LRCH1: variants seen among roughly 807,000 people sequenced by gnomAD.
LRCH1 encodes the protein leucine-rich repeat and calponin homology domain-containing protein 1.
LRCH1 carries 23 observed loss-of-function variants against 94.9 expected under a neutral mutation model. That is an observed-to-expected ratio of 0.24 (90% CI 0.17 to 0.34). The LOEUF is 0.34. Ranked by LOEUF, LRCH1 falls within the 10% of genes least tolerant of loss-of-function variation. LRCH1 has a pLI of 1.00. For synonymous variants in LRCH1, 364 were observed against 354.9 expected (o/e 1.03, Z -0.29); for missense variants, 790 against 945.9 (o/e 0.84, Z 2.16).
rs1216884978 is a variant in LRCH1, at chr13:46,558,211, G to T, written c.307+4508G>T. 2.0e-5 allele frequency among the ~76,000 whole-genome samples: 3 copies of T among 152,174 alleles called. No individual in the cohort carries two copies. The East Asian group carries it at 5.8e-4, about 29-fold the overall frequency. On this transcript the variant is annotated intron_variant, in intron 1 of 19. Coordinates refer to ENST00000389797, the MANE Select transcript of LRCH1 (RefSeq NM_001164211.2). Reference sequence around the variant, plus strand: ...GGAATACATGAGATGCTAAATAACAGTTCCAGGAAGCCACTGAGGCCCAAG... The same window carrying T: ...GGAATACATGAGATGCTAAATAACATTTCCAGGAAGCCACTGAGGCCCAAG...
At chr13:46,588,708 CT>C (rs1846635339) in intron 1 of LRCH1, among the ~76,000 whole-genome samples, 2 of 150,216 alleles carry the variant, frequency 1.3e-5, no homozygotes, top group African/African-American at 4.9e-5. Flanking sequence ...TCAAGTGATT[CT>C]CCTGCCTTAG....
chr13:46,650,470 G>C, intron 2 of LRCH1, 125 bp downstream of exon 2: 1 of 681,806 alleles, frequency 1.5e-6, no homozygotes, highest in Non-Finnish European at 2.3e-6. Context: ...GTCACACACA[G>C]ATGTTTTAAG....
chr13:46,625,468 A>G (rs1335793791), intron 1 of LRCH1, among the ~76,000 whole-genome samples: 4 of 152,152 alleles, frequency 2.6e-5, no homozygotes, highest in Admixed American at 6.5e-5. Context: ...AAGAGACCCC[A>G]GAGAGCTTCT....
chr13:46,689,676 T>C (rs1259761486), intron 7 of LRCH1, among the ~76,000 whole-genome samples: 1 of 151,880 alleles, frequency 6.6e-6, no homozygotes, highest in Non-Finnish European at 1.5e-5. Context: ...GCTATAGTTT[T>C]TATAACAATG....
chr13:46,667,266 A>G (rs1427653617), intron 2 of LRCH1, among the ~76,000 whole-genome samples: 1 of 152,116 alleles, frequency 6.6e-6, no homozygotes, highest in Non-Finnish European at 1.5e-5. Context: ...CCGTGCCCAG[A>G]TTAGAAAGGT....
chr13:46,555,667 C>T (rs917091546), intron 1 of LRCH1, among the ~76,000 whole-genome samples: 1 of 152,264 alleles, frequency 6.6e-6, no homozygotes, highest in Non-Finnish European at 1.5e-5. Context: ...TATGTTAATT[C>T]CTCATCCAAA....
At chr13:46,648,593 C>T (rs779927358) in intron 1 of LRCH1, among the ~76,000 whole-genome samples, 1 of 152,156 alleles carries the variant, frequency 6.6e-6, no homozygotes, top group Non-Finnish European at 1.5e-5. Context: ...TGTGCAATAA[C>T]CCCAACAGTT....
chr13:46,566,195 A>C (rs2050182415), intron 1 of LRCH1, among the ~76,000 whole-genome samples: 1 of 152,354 alleles, frequency 6.6e-6, no homozygotes, highest in South Asian at 2.1e-4. Flanking sequence ...ATTTATGAAT[A>C]ATTTTATGTT....
intron 18 of LRCH1, among the ~76,000 whole-genome samples, chr13:46,729,577 A>T (rs12867266): frequency 0.5 from 75,032 of 149,194 alleles, 21,851 homozygotes; most frequent in Non-Finnish European, 0.65. Flanking sequence ...AAGAAAAAGA[A>T]AAAAGAAATT....
At chr13:46,638,832 C>G (rs1008482828) in intron 1 of LRCH1, among the ~76,000 whole-genome samples, 2 of 152,150 alleles carry the variant, frequency 1.3e-5, no homozygotes, top group Non-Finnish European at 2.9e-5. Flanking sequence ...CGTGGACGTG[C>G]TGTTTATACT....
At chr13:46,580,219 A>C (rs2050349683) in intron 1 of LRCH1, among the ~76,000 whole-genome samples, 1 of 152,346 alleles carries the variant, frequency 6.6e-6, no homozygotes, top group East Asian at 1.9e-4. Context: ...TCACTGAAGG[A>C]GTTCTAAAAC....
At position 46,609,833 on chromosome 13, in the gene LRCH1, G is replaced by A. The variant is rs575449835; in HGVS notation, c.308-40368G>A. On this transcript the variant is annotated intron_variant, in intron 1 of 19. Coordinates refer to ENST00000389797, the MANE Select transcript of LRCH1 (RefSeq NM_001164211.2). ...GGTTAGAGCCTATGAGCGGGGAGGC[G>A]GGGACCAGATGGAGCCTGGGCTCAG... 5.9e-5 allele frequency among the ~76,000 whole-genome samples: 9 copies of A among 152,308 alleles called. No homozygotes were observed. In the East Asian group the frequency reaches 1.3e-3, roughly 23 times the overall value.
intron 1 of LRCH1, among the ~76,000 whole-genome samples, chr13:46,556,889 A>C (rs1355768004): frequency 1.3e-5 from 2 of 152,230 alleles, no homozygotes; most frequent in East Asian, 3.8e-4. Context: ...CACTGGGGAC[A>C]CAACAGTGAC....
At chr13:46,685,652 A>T (rs1020155639) in intron 4 of LRCH1, among the ~76,000 whole-genome samples, 2 of 152,192 alleles carry the variant, frequency 1.3e-5, no homozygotes, top group Non-Finnish European at 2.9e-5. Context: ...GATATTGTAA[A>T]TGTTAAGTGT....
chr13:46,625,825 T>C (rs1257792917), intron 1 of LRCH1, among the ~76,000 whole-genome samples: 1 of 152,008 alleles, frequency 6.6e-6, no homozygotes, highest in Non-Finnish European at 1.5e-5. Context: ...AGCTTATTTT[T>C]GTATTTTTTG....
chr13:46,719,697 A>G (rs948917966), intron 16 of LRCH1, among the ~76,000 whole-genome samples: 3 of 152,198 alleles, frequency 2.0e-5, no homozygotes, highest in Non-Finnish European at 4.4e-5. Context: ...AATCTTTTTC[A>G]TTCTTTAAAT....
At chr13:46,660,129 G>T (rs901252921) in intron 2 of LRCH1, among the ~76,000 whole-genome samples, 1 of 137,824 alleles carries the variant, frequency 7.3e-6, no homozygotes, top group Non-Finnish European at 1.5e-5. Flanking sequence ...CTCCTGCCTC[G>T]GCCTCCCTAG....
chr13:46,628,810 A>C (rs1042979570), intron 1 of LRCH1, among the ~76,000 whole-genome samples: 2 of 152,092 alleles, frequency 1.3e-5, no homozygotes, highest in Non-Finnish European at 2.9e-5. Flanking sequence ...TAAAACAGTA[A>C]TGTGTGGAGA....
At chr13:46,698,877 T>C (rs955260014) in intron 9 of LRCH1, among the ~76,000 whole-genome samples, 1 of 152,198 alleles carries the variant, frequency 6.6e-6, no homozygotes, top group Non-Finnish European at 1.5e-5. Flanking sequence ...TTAACTACAT[T>C]TACGTTGTGC....
Sources: gnomAD v4.1 joint callset for allele counts (sites outside exome capture counted in the v4.1 genomes callset) on GRCh38, gnomAD v4.1.1 for gene constraint, MANE v1.5 for transcripts, NCBI Gene and HGNC (gene_info 2026-07-23, HGNC 2026-07-21) for gene names.